The following TBC1D5 variants were observed in gnomAD, a reference collection of about 807,000 sequenced individuals.
TBC1D5 encodes TBC1 domain family member 5, also known as TBC1 domain family, member 5.
A neutral mutation model predicts 100.3 loss-of-function variants in TBC1D5; 75 were observed. That is an observed-to-expected ratio of 0.75 (90% CI 0.62 to 0.91). The LOEUF (loss-of-function observed/expected upper bound fraction) is 0.91. Ranked by LOEUF, TBC1D5 falls within the 40% of genes least tolerant of loss-of-function variation. The pLI is 0.00. For synonymous variants in TBC1D5, 323 were observed against 325.6 expected (o/e 0.99, Z 0.09); for missense variants, 910 against 942.4 (o/e 0.97, Z 0.45).
chr3:17,350,875 T>C (rs2090486286), intron 13 of TBC1D5, among the ~76,000 whole-genome samples: 1 of 152,160 alleles, frequency 6.6e-6, no homozygotes. Context: ...AATCATTTAC[T>C]TTCAGATACA....
intron 3 of TBC1D5, among the ~76,000 whole-genome samples, chr3:17,448,381 G>GTATTCTT (rs2094847534): frequency 1.3e-5 from 2 of 152,136 alleles, no homozygotes; most frequent in African/African-American, 2.4e-5. Flanking sequence ...CATGAATCAT[G>GTATTCTT]AATATTCTTA....
chr3:17,668,660 C>A (rs1283827276), intron 1 of TBC1D5, among the ~76,000 whole-genome samples: 1 of 152,056 alleles, frequency 6.6e-6, no homozygotes, highest in Non-Finnish European at 1.5e-5. Context: ...TTCCAGTGAG[C>A]AAACAATTCA....
intron 1 of TBC1D5, among the ~76,000 whole-genome samples, chr3:17,652,607 T>G (rs2065683393): frequency 6.6e-6 from 1 of 152,128 alleles, no homozygotes; most frequent in Non-Finnish European, 1.5e-5. Context: ...GAAAAATAGG[T>G]AGAGTCTGTC....
At chr3:17,505,989 C>T (rs952083807) in intron 3 of TBC1D5, among the ~76,000 whole-genome samples, 1 of 152,070 alleles carries the variant, frequency 6.6e-6, no homozygotes, top group African/African-American at 2.4e-5. Context: ...CTAATAGAAC[C>T]TATGACAAGA....
intron 18 of TBC1D5, among the ~76,000 whole-genome samples, chr3:17,205,557 T>C (rs534419065): frequency 1.3e-5 from 2 of 152,214 alleles, no homozygotes; most frequent in East Asian, 1.9e-4. Context: ...ATAAACCATT[T>C]TGGCAATTAA....
intron 1 of TBC1D5, among the ~76,000 whole-genome samples, chr3:17,731,252 C>T (rs1282345004): frequency 2.0e-5 from 3 of 151,948 alleles, no homozygotes; most frequent in Admixed American, 2.0e-4. Flanking sequence ...CCTGTAATCC[C>T]AGCACTTTGG....
At chr3:17,516,262 C>T (rs1047223625) in intron 2 of TBC1D5, among the ~76,000 whole-genome samples, 4 of 152,106 alleles carry the variant, frequency 2.6e-5, no homozygotes, top group Non-Finnish European at 5.9e-5. Flanking sequence ...CTGGGCTTGG[C>T]AAAAACATAC....
At chr3:17,263,007 G>A (rs1432298042) in intron 15 of TBC1D5, among the ~76,000 whole-genome samples, 6 of 151,684 alleles carry the variant, frequency 4.0e-5, no homozygotes, top group Admixed American at 6.6e-5. Flanking sequence ...TAGGAGGATC[G>A]CTTGAGGCCA....
At chr3:17,501,084 T>C (rs1204179084) in intron 3 of TBC1D5, among the ~76,000 whole-genome samples, 2 of 149,672 alleles carry the variant, frequency 1.3e-5, no homozygotes, top group Non-Finnish European at 2.9e-5. Context: ...TCCAGGTCAC[T>C]CTCCTATTTA....
intron 2 of TBC1D5, among the ~76,000 whole-genome samples, chr3:17,559,547 T>C (rs1265051706): frequency 1.3e-5 from 2 of 152,126 alleles, no homozygotes; most frequent in Non-Finnish European, 2.9e-5. Context: ...GTTCATACAT[T>C]GTGAGAATGT....
At chr3:17,422,104 C>CG (rs1314413935) in intron 4 of TBC1D5, among the ~76,000 whole-genome samples, 8 of 152,094 alleles carry the variant, frequency 5.3e-5, no homozygotes, top group Non-Finnish European at 7.4e-5. Flanking sequence ...TATCATCTTT[C>CG]ATATAACTTC....
In TBC1D5 at chr3:17,583,139, G is replaced by A. The variant is rs191353681; in HGVS notation, c.-36+40710C>T. 3.5e-3 allele frequency among the ~76,000 whole-genome samples: 537 copies of A among 151,888 alleles called. 4 individuals carry two copies. The highest frequency in any genetic ancestry group is 0.012 in the African/African-American group (504 of 41,406). On this transcript the variant is annotated intron_variant, in intron 2 of 21. Transcript: ENST00000253692. ...GTCTCTACAAAAAATACAAAAATTAGCCAGGTATGGTGGCTCACGCTTGAG... is the reference window on the plus strand; with the variant it reads ...GTCTCTACAAAAAATACAAAAATTAACCAGGTATGGTGGCTCACGCTTGAG...
Position 17,208,930 on chromosome 3 carries a change from TA to T in TBC1D5, c.1752+5276del, listed in dbSNP as rs774415278. Reference sequence around the variant, plus strand: ...ATACATTCTACTTTGCTGTAATTTTTAGTTGTTATTTTTAATCTAAGTTATA... The same window carrying T: ...ATACATTCTACTTTGCTGTAATTTTTGTTGTTATTTTTAATCTAAGTTATA... On this transcript the variant is annotated intron_variant, in intron 18 of 21. Coordinates refer to ENST00000253692, the Ensembl canonical transcript of TBC1D5. Among the ~76,000 whole-genome samples the T allele has an allele frequency of 2.6e-5, 4 of 152,218 alleles. 1 individual carries two copies. Among genetic ancestry groups the T allele is most frequent in the Non-Finnish European group, 5.9e-5 (4 of 68,042 alleles).
intron 18 of TBC1D5, among the ~76,000 whole-genome samples, chr3:17,204,149 A>G (rs2071843945): frequency 6.6e-6 from 1 of 152,222 alleles, no homozygotes; most frequent in African/African-American, 2.4e-5. Flanking sequence ...GCCAGGGACA[A>G]GAGGTTTAAG....
intron 3 of TBC1D5, among the ~76,000 whole-genome samples, chr3:17,506,969 T>C (rs1401261165): frequency 1.3e-5 from 2 of 152,258 alleles, no homozygotes; most frequent in East Asian, 1.9e-4. Flanking sequence ...TGAGCCGAGA[T>C]TGCGCCATTG....
Position 17,308,150 on chromosome 3 carries a change from AC to A in TBC1D5, c.996-17del, listed in dbSNP as rs1381201125. 1.3e-6 allele frequency: 2 copies of A among 1,564,528 alleles called. No individual in the cohort carries two copies. The highest frequency in any genetic ancestry group is 1.7e-6 in the Non-Finnish European group (2 of 1,166,312). ...CACCCACCTTCTGGAAAGAAACAAA[AC>A]AAAAATTCAGAAGACAGTACTTTTG... is the stretch of plus-strand genomic sequence containing the variant. On this transcript the variant is annotated splice_polypyrimidine_tract_variant and intron_variant, in intron 13 of 21. Transcript: ENST00000253692.
intron 1 of TBC1D5, among the ~76,000 whole-genome samples, chr3:17,737,498 T>C (rs989613779): frequency 6.6e-6 from 1 of 152,208 alleles, no homozygotes; most frequent in African/African-American, 2.4e-5. Context: ...CATTTGTTTT[T>C]ATAAAATTTC....
chr3:17,527,740 T>G (rs1226134501), intron 2 of TBC1D5, among the ~76,000 whole-genome samples: 1 of 151,574 alleles, frequency 6.6e-6, no homozygotes, highest in Non-Finnish European at 1.5e-5. Context: ...ACCAAAAAAC[T>G]TAGTAAAAGA....
intron 3 of TBC1D5, among the ~76,000 whole-genome samples, chr3:17,454,987 A>G (rs1051917424): frequency 6.6e-6 from 1 of 151,838 alleles, no homozygotes; most frequent in Non-Finnish European, 1.5e-5. Flanking sequence ...TGGATTGGAA[A>G]CCTCAACATT....
Sources: allele counts gnomAD v4.1 joint callset (sites outside exome capture counted in the v4.1 genomes callset), GRCh38; gene constraint gnomAD v4.1.1; transcripts MANE v1.5; gene names NCBI Gene and HGNC (gene_info 2026-07-23, HGNC 2026-07-21).